The following FANCI variants were observed in gnomAD, a reference collection of about 807,000 sequenced individuals.
FANCI encodes the protein FA complementation group I, also known as Fanconi anemia group I protein.
Under a neutral mutation model 176.1 loss-of-function variants are expected in FANCI, and 156 were observed. The ratio of observed to expected loss-of-function variants is 0.89; its 90% CI spans 0.78 to 1.01. The LOEUF (loss-of-function observed/expected upper bound fraction) is 1.01, where lower values mean the gene tolerates loss of function less well. Ranked by LOEUF, FANCI falls within the 50% of genes least tolerant of loss-of-function variation. The pLI is 0.00. For missense variants in FANCI, 1,678 were observed against 1,534.1 expected (o/e 1.09, Z -1.57); for synonymous variants, 613 against 541.7 (o/e 1.13, Z -1.83).
At chr15:89,316,099 C>T (rs540446956) in intron 37 of FANCI, among the ~76,000 whole-genome samples, 1 of 152,206 alleles carries the variant, frequency 6.6e-6, no homozygotes, top group Admixed American at 6.5e-5. Flanking sequence ...CAGCTGCACT[C>T]AGGAGAGTCA....
At position 89,307,604 on chromosome 15, in the gene FANCI, G is replaced by A. The variant is rs200021557; in HGVS notation, c.3592-9G>A. 10 of 1,614,020 alleles carry A rather than the reference G, an allele frequency of 6.2e-6. No homozygotes were observed. The highest frequency in any genetic ancestry group is 7.6e-6 in the Non-Finnish European group (9 of 1,180,004). ...GGTTACATTGGTTTCCTTCTCCCTT[G>A]TTGTGCAGGTGAAGCTGTCTGGTTC... On this transcript the variant is annotated splice_polypyrimidine_tract_variant and intron_variant, in intron 33 of 37. Coordinates refer to ENST00000310775, the MANE Select transcript of FANCI (RefSeq NM_001113378.2).
Position 89,300,092 on chromosome 15 carries a change from CT to C in FANCI, c.2803+127del, listed in dbSNP as rs2054472235. ...TCCTAATGTTGCTAAGGAGTGACATCTAGTGGATTCAGGATTGGTACCTACT... is the reference window on the plus strand; with the variant it reads ...TCCTAATGTTGCTAAGGAGTGACATCAGTGGATTCAGGATTGGTACCTACT... On this transcript the variant is annotated intron_variant, in intron 25 of 37. Coordinates refer to ENST00000310775, the MANE Select transcript of FANCI (RefSeq NM_001113378.2). 6 of 1,151,224 alleles carry C rather than the reference CT, an allele frequency of 5.2e-6. No individual in the cohort carries two copies. The Admixed American group carries it at 1.0e-4, about 20-fold the overall frequency. The allele number at this position is 1,151,224 out of a possible 1,614,324, so 71.3% of individuals were successfully genotyped here.
chr15:89,312,176 TG>T (rs2054990525), intron 34 of FANCI, among the ~76,000 whole-genome samples: 1 of 152,216 alleles, frequency 6.6e-6, no homozygotes, highest in South Asian at 2.1e-4. Context: ...TGCAGGGCCC[TG>T]CAGCAGCCTC....
chr15:89,281,992 T>C, intron 16 of FANCI, 157 bp downstream of exon 16: 1 of 672,962 alleles, frequency 1.5e-6, no homozygotes. Context: ...TGCTAAGTGC[T>C]TTATGTGCTT....
intron 1 of FANCI, chr15:89,245,156 GCTTTTCTTTT>G (rs1158535579): frequency 2.1e-5 from 3 of 145,778 alleles, no homozygotes; most frequent in East Asian, 2.0e-4. Context: ...CCTATACTGA[GCTTTTCTTTT>G]CTTTTCTTTT....
rs1420886589 is a variant in FANCI, at chr15:89,307,798, C to A, written c.3651+126C>A. On this transcript the variant is annotated intron_variant, in intron 34 of 37. Transcript: ENST00000310775. The stretch of plus-strand genomic sequence containing the variant: ...TTCCCTGCTTACCACAAGCTGGAGG[C>A]ACCCATCAGAGACCAAGCCAAGGCT... The A allele has an allele frequency of 2.6e-6, 4 of 1,562,188 alleles. No individual in the cohort carries two copies. In the African/African-American group the frequency reaches 5.4e-5, roughly 21 times the overall value.
At position 89,262,587 on chromosome 15, in the gene FANCI, G is replaced by A. The variant is rs1447047619; in HGVS notation, c.503+709G>A. On this transcript the variant is annotated intron_variant, in intron 6 of 37. Coordinates refer to ENST00000310775, the MANE Select transcript of FANCI (RefSeq NM_001113378.2). The stretch of plus-strand genomic sequence containing the variant: ...TAGGTTTGTTAAAAAGAACAAGAAG[G>A]GAATACCCAAGATTATCTAAACCAG... Among the ~76,000 whole-genome samples the A allele has an allele frequency of 2.6e-5, 4 of 152,038 alleles. No individual in the cohort carries two copies. In the East Asian group the frequency reaches 5.8e-4, roughly 22 times the overall value.
At chr15:89,304,041 A>G in intron 28 of FANCI, 126 bp downstream of exon 28, 1 of 848,048 alleles carries the variant, frequency 1.2e-6, no homozygotes, top group Middle Eastern at 2.2e-4. Flanking sequence ...TGAAACAGAC[A>G]CCTAATACCA....
Position 89,303,914 on chromosome 15 carries a change from G to A in FANCI, c.3057G>A (p.Arg1019=). ...WTSKICKENS[R]EDALFCKSLM... is the part of the protein sequence containing the mutation. The stretch of plus-strand genomic sequence containing the variant: ...CAAAGATTTGCAAGGAAAACAGCCG[G>A]GGTAAGTTTACTGCCATGTTTTCCT... Residue 1019 remains arginine (R), a splice_region_variant and synonymous_variant, in exon 28 of 38, where the codon CGG becomes CGA. Coordinates refer to ENST00000310775, the MANE Select transcript of FANCI (RefSeq NM_001113378.2). 4.3e-6 allele frequency: 7 copies of A among 1,613,862 alleles called. No homozygotes were observed. The highest frequency in any genetic ancestry group is 5.9e-6 in the Non-Finnish European group (7 of 1,179,780).
At chr15:89,283,757 T>A (rs973036397) in intron 17 of FANCI, among the ~76,000 whole-genome samples, 1 of 151,358 alleles carries the variant, frequency 6.6e-6, no homozygotes, top group Admixed American at 6.6e-5. Flanking sequence ...TTATATTTCT[T>A]TCTTTTTTTT....
chr15:89,261,504 A>G (rs1249436189), intron 4 of FANCI, 81 bp from the exon 5 acceptor site: 6 of 1,560,194 alleles, frequency 3.8e-6, no homozygotes, highest in Non-Finnish European at 5.3e-6. Context: ...CATTTATTTC[A>G]GCAAAAGACT....
rs143546593 is a variant in FANCI, at chr15:89,283,356, T to C, written c.1698+106T>C. 143 of 1,535,582 alleles carry C rather than the reference T, an allele frequency of 9.3e-5. No homozygotes were observed. In the African/African-American group the frequency reaches 1.7e-3, roughly 18 times the overall value. On this transcript the variant is annotated intron_variant, in intron 17 of 37. Transcript: ENST00000310775. Reference sequence around the variant, plus strand: ...CCTGTTATGGTTGTAAGAATGATCCTAGAACTAAAGAGTCTGATGATGATG... The same window carrying C: ...CCTGTTATGGTTGTAAGAATGATCCCAGAACTAAAGAGTCTGATGATGATG...
In FANCI at chr15:89,316,840, GC is replaced by G. The variant is rs1483142790; in HGVS notation, c.*382del. ...TCCAGCGCTTCACCTGAAAGATAGTGCAAATTGGTTAGGATGCCACCTCAAG... is the reference window on the plus strand; with the variant it reads ...TCCAGCGCTTCACCTGAAAGATAGTGAAATTGGTTAGGATGCCACCTCAAG... On this transcript the variant is annotated 3_prime_UTR_variant, in exon 38 of 38. Transcript: ENST00000310775. 6.2e-7 allele frequency: 1 copy of G among 1,603,352 alleles called. No homozygotes were observed. Among genetic ancestry groups the G allele is most frequent in the South Asian group, 1.1e-5 (1 of 90,858 alleles).
intron 24 of FANCI, among the ~76,000 whole-genome samples, chr15:89,299,008 T>TA (rs1001065230): frequency 2.2e-4 from 33 of 151,462 alleles, no homozygotes; most frequent in East Asian, 5.8e-4. Flanking sequence ...CCAGCTCTAC[T>TA]AAAAAAAATA....
At chr15:89,307,438 A>T in intron 32 of FANCI, 38 bp from the exon 33 acceptor site, 1 of 1,591,378 alleles carries the variant, frequency 6.3e-7, no homozygotes, top group Non-Finnish European at 8.6e-7. Context: ...GTAGTTTCAT[A>T]GGACAGTCTA....
intron 37 of FANCI, among the ~76,000 whole-genome samples, chr15:89,316,131 G>A (rs2152043494): frequency 6.6e-6 from 1 of 152,268 alleles, no homozygotes; most frequent in South Asian, 2.1e-4. Context: ...GATGTCAATG[G>A]CTTCTTCTCT....
chr15:89,282,852 GTC>G (rs2053668031), intron 16 of FANCI: 2 of 413,066 alleles, frequency 4.8e-6, no homozygotes, highest in Admixed American at 3.6e-5. Flanking sequence ...CAATTTTACA[GTC>G]TCTCAGCAGT....
intron 35 of FANCI, among the ~76,000 whole-genome samples, chr15:89,313,992 C>T (rs1300295998): frequency 2.0e-5 from 3 of 150,682 alleles, no homozygotes; most frequent in East Asian, 2.0e-4. Flanking sequence ...CACACACACA[C>T]ACACACACAC....
At chr15:89,272,047 A>AT (rs1409570448) in intron 10 of FANCI, among the ~76,000 whole-genome samples, 2 of 152,138 alleles carry the variant, frequency 1.3e-5, no homozygotes, top group Non-Finnish European at 2.9e-5. Flanking sequence ...AAACGGTATC[A>AT]TTTTACATTC....
Sources: gnomAD v4.1 joint callset for allele counts (sites outside exome capture counted in the v4.1 genomes callset) on GRCh38, gnomAD v4.1.1 for gene constraint, MANE v1.5 for transcripts, NCBI Gene and HGNC (gene_info 2026-07-23, HGNC 2026-07-21) for gene names.